The following XYLT1 variants were observed in gnomAD, a reference collection of about 807,000 sequenced individuals.
The protein encoded by XYLT1 is xylosyltransferase 1.
A neutral mutation model predicts 91.3 loss-of-function variants in XYLT1; 36 were observed. That is an observed-to-expected ratio of 0.39 (90% CI 0.30 to 0.52). The LOEUF (loss-of-function observed/expected upper bound fraction) is 0.52. Ranked by LOEUF, XYLT1 falls within the 20% of genes least tolerant of loss-of-function variation. XYLT1 has a pLI of 0.68. For synonymous variants in XYLT1, 588 were observed against 532.0 expected (o/e 1.11, Z -1.45); for missense variants, 1,242 against 1,284.5 (o/e 0.97, Z 0.51).
At chr16:17,182,368 T>C (rs1454944885) in intron 5 of XYLT1, among the ~76,000 whole-genome samples, 2 of 152,152 alleles carry the variant, frequency 1.3e-5, no homozygotes, top group Non-Finnish European at 2.9e-5. Flanking sequence ...TGTCCTTACA[T>C]GGCAGAGAAA....
intron 1 of XYLT1, among the ~76,000 whole-genome samples, chr16:17,425,980 C>T (rs531676126): frequency 5.3e-5 from 8 of 152,256 alleles, no homozygotes; most frequent in South Asian, 2.1e-4. Context: ...TATTTTGCCA[C>T]GAGATCTGTT....
intron 1 of XYLT1, among the ~76,000 whole-genome samples, chr16:17,371,380 T>C (rs1436221651): frequency 2.6e-5 from 4 of 152,250 alleles, no homozygotes; most frequent in African/African-American, 9.6e-5. Flanking sequence ...AGGTGGAATC[T>C]GAGAGATGTA....
chr16:17,217,177 G>A (rs926062992), intron 3 of XYLT1, among the ~76,000 whole-genome samples: 6 of 152,146 alleles, frequency 3.9e-5, no homozygotes, highest in South Asian at 4.1e-4. Flanking sequence ...GCCTCAGGCC[G>A]GGGCTCTGAT....
At chr16:17,290,868 G>C (rs968644177) in intron 2 of XYLT1, among the ~76,000 whole-genome samples, 2 of 152,054 alleles carry the variant, frequency 1.3e-5, no homozygotes, top group African/African-American at 4.8e-5. Context: ...AATGTCCTGG[G>C]GTGGATCAAC....
At chr16:17,161,689 T>TCC (rs1411837832) in intron 5 of XYLT1, among the ~76,000 whole-genome samples, 1 of 151,714 alleles carries the variant, frequency 6.6e-6, no homozygotes, top group Non-Finnish European at 1.5e-5. Context: ...TCTCTCTCTC[T>TCC]CTCTCTCTCT....
At chr16:17,260,369 C>T (rs997406919) in intron 2 of XYLT1, among the ~76,000 whole-genome samples, 1 of 152,188 alleles carries the variant, frequency 6.6e-6, no homozygotes, top group Admixed American at 6.5e-5. Flanking sequence ...CTGCTTAAAG[C>T]TCATTCCCAA....
At chr16:17,150,038 C>T (rs1218471479) in intron 6 of XYLT1, among the ~76,000 whole-genome samples, 1 of 152,168 alleles carries the variant, frequency 6.6e-6, no homozygotes, top group Non-Finnish European at 1.5e-5. Flanking sequence ...AAGAAGAAAT[C>T]CTTTAGTCTG....
intron 2 of XYLT1, among the ~76,000 whole-genome samples, chr16:17,342,932 A>G (rs2035084554): frequency 6.6e-6 from 1 of 152,238 alleles, no homozygotes; most frequent in Non-Finnish European, 1.5e-5. Context: ...GATGAAAAGC[A>G]AATCCAGAAA....
intron 1 of XYLT1, among the ~76,000 whole-genome samples, chr16:17,444,634 C>T (rs941655998): frequency 2.0e-5 from 3 of 152,086 alleles, no homozygotes; most frequent in African/African-American, 7.2e-5. Context: ...GCACAAGACA[C>T]CATGCCCAGC....
chr16:17,356,777 C>G (rs2035300314), intron 2 of XYLT1, among the ~76,000 whole-genome samples: 1 of 152,170 alleles, frequency 6.6e-6, no homozygotes, highest in African/African-American at 2.4e-5. Context: ...TCTGCCTACT[C>G]TCTTTACTGT....
At chr16:17,263,801 C>G (rs1048195745) in intron 2 of XYLT1, among the ~76,000 whole-genome samples, 1 of 152,122 alleles carries the variant, frequency 6.6e-6, no homozygotes, top group Non-Finnish European at 1.5e-5. Context: ...CTCCGCCTCC[C>G]AGGTTCAAGT....
intron 3 of XYLT1, among the ~76,000 whole-genome samples, chr16:17,205,150 A>G (rs1471226669): frequency 6.6e-6 from 1 of 152,190 alleles, no homozygotes; most frequent in Non-Finnish European, 1.5e-5. Flanking sequence ...TGCAGGTGTG[A>G]AGGCTGAGGA....
intron 2 of XYLT1, among the ~76,000 whole-genome samples, chr16:17,282,960 A>C (rs1177405683): frequency 1.3e-5 from 2 of 151,142 alleles, no homozygotes; most frequent in Non-Finnish European, 1.5e-5. Context: ...GCAATAAGTC[A>C]CCCCCCCCAA....
intron 2 of XYLT1, among the ~76,000 whole-genome samples, chr16:17,276,994 C>T (rs767119166): frequency 5.9e-5 from 9 of 152,168 alleles, no homozygotes; most frequent in South Asian, 2.1e-4. Context: ...ACTCCTACAA[C>T]GACTTTTCAT....
At chr16:17,303,874 C>T (rs1371226588) in intron 2 of XYLT1, among the ~76,000 whole-genome samples, 5 of 152,068 alleles carry the variant, frequency 3.3e-5, no homozygotes, top group Non-Finnish European at 5.9e-5. Context: ...TGAGGCTTAT[C>T]TTATAAACAC....
intron 1 of XYLT1, among the ~76,000 whole-genome samples, chr16:17,442,028 AC>A (rs1250927773): frequency 2.0e-5 from 3 of 151,554 alleles, no homozygotes; most frequent in Admixed American, 2.0e-4. Context: ...TGGCTGATCC[AC>A]CCCCATGTAT....
intron 2 of XYLT1, among the ~76,000 whole-genome samples, chr16:17,283,887 T>C (rs1337492262): frequency 6.6e-6 from 1 of 152,204 alleles, no homozygotes; most frequent in East Asian, 1.9e-4. Context: ...GACTCTCATA[T>C]AGTCTCACCA....
Position 17,103,462 on chromosome 16 carries a change from C to T in XYLT1, c.*5233G>A, listed in dbSNP as rs950851398. On this transcript the variant is annotated 3_prime_UTR_variant, in exon 12 of 12. Coordinates refer to ENST00000261381, the MANE Select transcript of XYLT1 (RefSeq NM_022166.4). ...ATCTGCCAACTACAGATTGGCAGCC[C>T]CTTCCTTAGGAGGCTGCCACAGAAG... 1 of 152,160 alleles carries T rather than the reference C, an allele frequency of 6.6e-6. No individual in the cohort carries two copies. Among genetic ancestry groups the T allele is most frequent in the Non-Finnish European group, 1.5e-5 (1 of 68,042 alleles). 9.4% of individuals were successfully genotyped at this position (152,160 alleles called of 1,614,324 possible).
rs149967242 is a variant in XYLT1 at position 17,234,672 on chromosome 16, T to A, written c.913+24316A>T. Among the ~76,000 whole-genome samples, 829 of 146,926 alleles carry A rather than the reference T, an allele frequency of 5.6e-3. 8 individuals are homozygous for A. Among genetic ancestry groups the A allele is most frequent in the African/African-American group, 0.018 (712 of 38,944 alleles). ...TCGAAGAACCCTCCCCATGTGGGAA[T>A]CCAGCAAACTGAGCCATGTGATAAA... On this transcript the variant is annotated intron_variant, in intron 3 of 11. Coordinates refer to ENST00000261381, the MANE Select transcript of XYLT1 (RefSeq NM_022166.4).
Sources: allele counts gnomAD v4.1 joint callset (sites outside exome capture counted in the v4.1 genomes callset), GRCh38; gene constraint gnomAD v4.1.1; transcripts MANE v1.5; gene names NCBI Gene and HGNC (gene_info 2026-07-23, HGNC 2026-07-21).